The following SCARA5 variants were observed in gnomAD, a reference collection of about 807,000 sequenced individuals.
The protein encoded by SCARA5 is scavenger receptor class A member 5.
In SCARA5, 45 loss-of-function variants were observed where a neutral mutation model predicts 46.3. The observed-to-expected ratio is 0.97, with a 90% CI of 0.76 to 1.24. SCARA5 has a LOEUF of 1.24. Among genes scored for constraint, SCARA5 ranks in the 50% most tolerant of loss-of-function variants. The pLI, the probability that SCARA5 is intolerant of heterozygous loss-of-function variation, is 0.00. For synonymous variants in SCARA5, 333 were observed against 306.5 expected, an observed-to-expected ratio of 1.09 and a Z score of -0.90; for missense variants, 680 against 689.0, an observed-to-expected ratio of 0.99 and a Z score of 0.15.
At chr8:27,988,017 G>A (rs1808730812) in intron 1 of SCARA5, among the ~76,000 whole-genome samples, 1 of 152,204 alleles carries the variant, frequency 6.6e-6, no homozygotes, top group African/African-American at 2.4e-5. Flanking sequence ...CAGGCTCTGA[G>A]CCCTCAGAAG....
intron 7 of SCARA5, among the ~76,000 whole-genome samples, chr8:27,892,016 C>G (rs534078356): frequency 6.6e-6 from 1 of 152,206 alleles, no homozygotes; most frequent in East Asian, 1.9e-4. Flanking sequence ...TTGCCTTCCA[C>G]GTGGGAAAGA....
intron 3 of SCARA5, among the ~76,000 whole-genome samples, chr8:27,958,507 C>T (rs755209501): frequency 1.3e-5 from 2 of 152,178 alleles, no homozygotes; most frequent in Non-Finnish European, 2.9e-5. Flanking sequence ...AATGCGTGCA[C>T]GGGCTGGCAA....
intron 3 of SCARA5, among the ~76,000 whole-genome samples, chr8:27,944,064 C>T (rs753096457): frequency 1.3e-5 from 2 of 152,154 alleles, no homozygotes; most frequent in Non-Finnish European, 2.9e-5. Flanking sequence ...AACAATTAAA[C>T]AAACCCAAGT....
chr8:27,877,640 TC>T (rs1393309918), intron 8 of SCARA5, among the ~76,000 whole-genome samples: 3 of 152,226 alleles, frequency 2.0e-5, no homozygotes. Flanking sequence ...TGAGGACTGT[TC>T]CTATTCTAAT....
rs76934250 is a variant in SCARA5, at chr8:27,871,749, C to A, written c.*185G>T. 4 of 1,438,026 alleles carry A rather than the reference C, an allele frequency of 2.8e-6. No individual in the cohort carries two copies. Among genetic ancestry groups the A allele is most frequent in the Non-Finnish European group, 3.6e-6 (4 of 1,098,300 alleles). 89.1% of individuals were successfully genotyped at this position (1,438,026 alleles called of 1,614,324 possible). On this transcript the variant is annotated 3_prime_UTR_variant, in exon 9 of 9. Transcript: ENST00000354914. ...GGCAGTAGGTCCCAGAGTTATACTT[C>A]GGAGCACATGTTCAAGAGGGAAATG...
intron 3 of SCARA5, among the ~76,000 whole-genome samples, chr8:27,926,725 A>G (rs1404435054): frequency 2.0e-5 from 3 of 152,206 alleles, no homozygotes; most frequent in African/African-American, 7.2e-5. Flanking sequence ...GATGGTGAGA[A>G]TCCTGAGAGG....
intron 2 of SCARA5, among the ~76,000 whole-genome samples, chr8:27,980,429 T>C (rs541998623): frequency 5.9e-5 from 9 of 152,304 alleles, no homozygotes; most frequent in South Asian, 2.1e-4. Context: ...TGTACCAGGC[T>C]AGTGGGACAT....
chr8:27,969,068 A>G (rs973545678), intron 2 of SCARA5, among the ~76,000 whole-genome samples: 1 of 152,264 alleles, frequency 6.6e-6, no homozygotes, highest in Non-Finnish European at 1.5e-5. Flanking sequence ...TTAGACAAGC[A>G]GAACATGAAT....
chr8:27,983,090 G>A (rs1469618663), intron 2 of SCARA5, among the ~76,000 whole-genome samples: 1 of 152,150 alleles, frequency 6.6e-6, no homozygotes, highest in Non-Finnish European at 1.5e-5. Flanking sequence ...CTCACCTCTG[G>A]TGGTGGCTGC....
intron 2 of SCARA5, among the ~76,000 whole-genome samples, chr8:27,974,504 A>T (rs1780877121): frequency 6.6e-6 from 1 of 151,922 alleles, no homozygotes; most frequent in Non-Finnish European, 1.5e-5. Flanking sequence ...GAGTTTTAAC[A>T]GCAACAAACA....
intron 3 of SCARA5, among the ~76,000 whole-genome samples, chr8:27,951,318 G>T (rs1808122906): frequency 6.6e-6 from 1 of 152,192 alleles, no homozygotes; most frequent in Non-Finnish European, 1.5e-5. Flanking sequence ...GTGGGAGCCG[G>T]AGCTGTGGTC....
chr8:27,878,279 C>T (rs1770535479), intron 8 of SCARA5, among the ~76,000 whole-genome samples: 1 of 152,186 alleles, frequency 6.6e-6, no homozygotes, highest in Admixed American at 6.5e-5. Flanking sequence ...GCCTGCAGGC[C>T]CTTTAGTTAC....
intron 3 of SCARA5, among the ~76,000 whole-genome samples, chr8:27,962,289 A>C (rs764871828): frequency 2.0e-5 from 3 of 152,216 alleles, no homozygotes; most frequent in Non-Finnish European, 4.4e-5. Context: ...CTTGAAAGTA[A>C]TTTTAAAGAC....
At chr8:27,906,881 G>C (rs1311485763) in intron 6 of SCARA5, among the ~76,000 whole-genome samples, 1 of 152,102 alleles carries the variant, frequency 6.6e-6, no homozygotes, top group East Asian at 1.9e-4. Flanking sequence ...TTTATATTTT[G>C]TAGAGATGGG....
intron 3 of SCARA5, among the ~76,000 whole-genome samples, chr8:27,960,194 A>T (rs1808273090): frequency 6.8e-6 from 1 of 148,012 alleles, no homozygotes; most frequent in Non-Finnish European, 1.5e-5. Context: ...TTTTTTTTTT[A>T]AAGACAGGAT....
At chr8:27,918,244 T>C (rs1807499009) in intron 4 of SCARA5, among the ~76,000 whole-genome samples, 1 of 152,236 alleles carries the variant, frequency 6.6e-6, no homozygotes, top group Admixed American at 6.5e-5. Flanking sequence ...ACTTCCTCCC[T>C]GAGCCTCAGT....
At chr8:27,979,315 G>A (rs1358850228) in intron 2 of SCARA5, among the ~76,000 whole-genome samples, 1 of 152,328 alleles carries the variant, frequency 6.6e-6, no homozygotes, top group African/African-American at 2.4e-5. Context: ...CTGAAGGGAC[G>A]CAAGGGTACT....
intron 3 of SCARA5, among the ~76,000 whole-genome samples, chr8:27,946,729 C>A (rs1298966355): frequency 6.6e-6 from 1 of 152,146 alleles, no homozygotes; most frequent in African/African-American, 2.4e-5. Flanking sequence ...CCAAGTGTGC[C>A]CAGGGCCAGA....
In SCARA5 at chr8:27,922,155, C is replaced by A; in HGVS notation, c.332G>T (p.Arg111Leu). ...CGCTTGCAGCGGAGCCTGCAGCAGC[C>A]GCAGCTGCAAGTCCCGGAAGCTCTC... is the stretch of plus-strand genomic sequence containing the variant. Reference protein sequence around the residue: ...LNESFRDLQLRLLQAPLQADL... With the variant: ...LNESFRDLQLLLLQAPLQADL... The change falls in exon 4 of 9, where the codon CGG becomes CTG. Residue 111 changes from arginine to leucine, a missense_variant. By Grantham distance (102) the Arg-to-Leu change is moderately radical (BLOSUM62 -2). Transcript: ENST00000354914. 1.2e-6 allele frequency: 2 copies of A among 1,607,560 alleles called. No individual in the cohort carries two copies. Among genetic ancestry groups the A allele is most frequent in the Middle Eastern group, 1.7e-4 (1 of 6,048 alleles).
Sources: allele counts gnomAD v4.1 joint callset (sites outside exome capture counted in the v4.1 genomes callset), GRCh38; gene constraint gnomAD v4.1.1; transcripts MANE v1.5; gene names NCBI Gene and HGNC (gene_info 2026-07-23, HGNC 2026-07-21).